The following SPATA13 variants were observed in gnomAD, a reference collection of about 807,000 sequenced individuals.
SPATA13 encodes spermatogenesis associated 13, also known as spermatogenesis-associated protein 13.
SPATA13 carries 50 observed loss-of-function variants against 104.0 expected under a neutral mutation model. That is an observed-to-expected ratio of 0.48 (90% CI 0.38 to 0.61). The LOEUF is 0.61. SPATA13 is among the 20% of genes least tolerant of loss of function. The probability of loss-of-function intolerance (pLI) is 0.00; values close to 1 mark genes in which losing one functional copy is unlikely to be tolerated. For synonymous variants in SPATA13, 606 were observed against 667.5 expected (o/e 0.91, Z 1.42); for missense variants, 1,524 against 1,690.6 (o/e 0.90, Z 1.73).
Position 24,167,463 on chromosome 13 carries a change from C to T in SPATA13, c.-112+6531C>T, listed in dbSNP as rs141337500. On this transcript the variant is annotated intron_variant, in intron 1 of 12. Coordinates refer to ENST00000382108, the MANE Select transcript of SPATA13 (RefSeq NM_001166271.3). ...AAGATGATGCTGCCAACAGAGAACACGGGGCCCACAGGCCAGCCTCCCCAG... is the reference window on the plus strand; with the variant it reads ...AAGATGATGCTGCCAACAGAGAACATGGGGCCCACAGGCCAGCCTCCCCAG... Among the ~76,000 whole-genome samples the T allele has an allele frequency of 8.3e-3, 1,259 of 152,330 alleles. 7 individuals carry two copies. Among genetic ancestry groups the T allele is most frequent in the South Asian group, 0.02 (96 of 4,818 alleles).
chr13:24,281,816 G>A (rs181547419), intron 4 of SPATA13, among the ~76,000 whole-genome samples: 21 of 152,256 alleles, frequency 1.4e-4, no homozygotes, highest in East Asian at 5.8e-4. Flanking sequence ...GGCTGGGGCC[G>A]GGCTGGGAGA....
chr13:24,142,655 TTTCCTCTTCCTCATCCTTC>T (rs1290420351), intron 3 of SPATA13, among the ~76,000 whole-genome samples: 3 of 151,916 alleles, frequency 2.0e-5, no homozygotes, highest in African/African-American at 4.8e-5. Flanking sequence ...CTCCTCCCCC[TTTCCTCTTCCTCATCCTTC>T]TTCCTCTTCC....
At chr13:24,162,125 G>T (rs1214327522) in intron 1 of SPATA13, among the ~76,000 whole-genome samples, 2 of 151,964 alleles carry the variant, frequency 1.3e-5, no homozygotes, top group Non-Finnish European at 2.9e-5. Flanking sequence ...GTTTCATGTG[G>T]CTTTGTCTTA....
chr13:24,132,245 G>T (rs558299291), intron 3 of SPATA13, among the ~76,000 whole-genome samples: 1 of 152,244 alleles, frequency 6.6e-6, no homozygotes, highest in African/African-American at 2.4e-5. Flanking sequence ...ACACTGCAGA[G>T]CTGCCATGCA....
At chr13:24,106,756 G>C (rs1880467614) in intron 3 of SPATA13, among the ~76,000 whole-genome samples, 1 of 152,190 alleles carries the variant, frequency 6.6e-6, no homozygotes, top group Admixed American at 6.5e-5. Flanking sequence ...TCCCACATGA[G>C]AGCTATAAAA....
Position 24,224,451 on chromosome 13 carries a change from C to T in SPATA13, c.1522C>T (p.Pro508Ser), listed in dbSNP as rs1243062567. 1.3e-6 allele frequency: 2 copies of T among 1,551,552 alleles called. No homozygotes were observed. The highest frequency in any genetic ancestry group is 2.7e-5 in the African/African-American group (2 of 73,060). Residue 508 changes from proline to serine, a missense_variant, in exon 2 of 13, where the codon CCT becomes TCT. By Grantham distance (74) the Pro-to-Ser change is moderately conservative. Coordinates refer to ENST00000382108, the MANE Select transcript of SPATA13 (RefSeq NM_001166271.3). ...SEESEGRAEE[P>S]AQREPGPVSL... is the part of the protein sequence containing the mutation. ...GGAAAGTGAAGGAAGGGCAGAAGAG[C>T]CTGCTCAGAGAGAGCCAGGGCCTGT...
chr13:24,153,234 G>A (rs1198518638), intron 3 of SPATA13, among the ~76,000 whole-genome samples: 2 of 152,196 alleles, frequency 1.3e-5, no homozygotes, highest in African/African-American at 4.8e-5. Context: ...TATGTTTAGG[G>A]TTTCCAATAG....
chr13:24,290,916 A>G, intron 9 of SPATA13, 32 bp downstream of exon 9: 1 of 1,564,382 alleles, frequency 6.4e-7, no homozygotes, highest in Non-Finnish European at 8.8e-7. Flanking sequence ...CACAGGTGAG[A>G]GCACTGCTGC....
intron 3 of SPATA13, among the ~76,000 whole-genome samples, chr13:24,087,811 C>T (rs1444098404): frequency 6.6e-6 from 1 of 152,182 alleles, no homozygotes; most frequent in African/African-American, 2.4e-5. Flanking sequence ...GCTCCTGCTC[C>T]TCCCCAGAGC....
intron 3 of SPATA13, among the ~76,000 whole-genome samples, chr13:24,064,310 A>C (rs1433167336): frequency 2.0e-5 from 3 of 152,222 alleles, no homozygotes; most frequent in Non-Finnish European, 2.9e-5. Flanking sequence ...CCACATTCAG[A>C]TTACATTTAA....
chr13:24,076,317 C>T (rs898186525), intron 3 of SPATA13, among the ~76,000 whole-genome samples: 3 of 152,074 alleles, frequency 2.0e-5, no homozygotes, highest in Non-Finnish European at 4.4e-5. Flanking sequence ...GTTATAGCCC[C>T]GTGCCTGGCA....
chr13:24,077,439 A>G (rs1221637255), intron 3 of SPATA13, among the ~76,000 whole-genome samples: 2 of 152,066 alleles, frequency 1.3e-5, no homozygotes, highest in African/African-American at 4.8e-5. Context: ...ACACGGACAT[A>G]AAGATGGAAA....
chr13:24,080,139 G>A (rs1056937423), intron 3 of SPATA13, among the ~76,000 whole-genome samples: 13 of 152,172 alleles, frequency 8.5e-5, no homozygotes, highest in South Asian at 2.1e-4. Flanking sequence ...TCTAAAACAG[G>A]CAAATCTAAA....
At chr13:24,114,287 A>T (rs1880752820) in intron 3 of SPATA13, among the ~76,000 whole-genome samples, 1 of 151,124 alleles carries the variant, frequency 6.6e-6, no homozygotes, top group East Asian at 1.9e-4. Flanking sequence ...AATCTTTCTC[A>T]TTGCTTTCTG....
intron 2 of SPATA13, among the ~76,000 whole-genome samples, chr13:24,241,070 G>T (rs1486672699): frequency 6.6e-6 from 1 of 152,124 alleles, no homozygotes; most frequent in African/African-American, 2.4e-5. Flanking sequence ...AATTAGAAAA[G>T]GTTAGCTTAG....
At chr13:24,254,670 C>T (rs971495606) in intron 4 of SPATA13, among the ~76,000 whole-genome samples, 1 of 152,174 alleles carries the variant, frequency 6.6e-6, no homozygotes, top group African/African-American at 2.4e-5. Flanking sequence ...TGAAAAGGCC[C>T]CACTGCAATC....
rs778887496 is a variant in SPATA13, at chr13:24,304,199, A to G, written c.*1426A>G. 3.3e-5 allele frequency: 5 copies of G among 152,224 alleles called. No homozygotes were observed. Among genetic ancestry groups the G allele is most frequent in the Non-Finnish European group, 5.9e-5 (4 of 68,050 alleles). The allele number at this position is 152,224 out of a possible 1,614,324, so 9.4% of individuals were successfully genotyped here. The stretch of plus-strand genomic sequence containing the variant: ...GAGGACTTGTTCTTTATAAAAAAAG[A>G]CCTTCACAAAATATCTTGGCTTAGA... On this transcript the variant is annotated 3_prime_UTR_variant, in exon 13 of 13. Coordinates refer to ENST00000382108, the MANE Select transcript of SPATA13 (RefSeq NM_001166271.3).
intron 1 of SPATA13, among the ~76,000 whole-genome samples, chr13:24,175,577 T>C (rs745929956): frequency 3.3e-5 from 5 of 152,244 alleles, no homozygotes; most frequent in Non-Finnish European, 7.3e-5. Flanking sequence ...GTTGTCTATC[T>C]AGATTTCTTG....
chr13:24,053,279 A>G (rs1878427167), intron 3 of SPATA13, among the ~76,000 whole-genome samples: 1 of 152,180 alleles, frequency 6.6e-6, no homozygotes, highest in Non-Finnish European at 1.5e-5. Flanking sequence ...GCTGTGATCC[A>G]CAAAGGAATG....
Sources: gnomAD v4.1 joint callset for allele counts (sites outside exome capture counted in the v4.1 genomes callset) on GRCh38, gnomAD v4.1.1 for gene constraint, MANE v1.5 for transcripts, NCBI Gene and HGNC (gene_info 2026-07-23, HGNC 2026-07-21) for gene names.